SLC1A3: variants seen among roughly 807,000 people sequenced by gnomAD.
SLC1A3 encodes solute carrier family 1 member 3.
In SLC1A3, 21 loss-of-function variants were observed where a neutral mutation model predicts 48.1. That is an observed-to-expected ratio of 0.44 (90% CI 0.31 to 0.63). The LOEUF (loss-of-function observed/expected upper bound fraction) is 0.63. SLC1A3 is among the 20% of genes least tolerant of loss of function. SLC1A3 has a pLI of 0.08. For synonymous variants in SLC1A3, 239 were observed against 251.4 expected, an observed-to-expected ratio of 0.95 and a Z score of 0.47; for missense variants, 546 against 689.0, an observed-to-expected ratio of 0.79 and a Z score of 2.32.
intron 3 of SLC1A3, among the ~76,000 whole-genome samples, chr5:36,643,079 T>A (rs543747468): frequency 2.5e-4 from 38 of 152,338 alleles, no homozygotes; most frequent in Non-Finnish European, 2.6e-4. Flanking sequence ...TTTGGGTTTT[T>A]CCTATTTTTT....
chr5:36,612,383 C>T (rs929152961), intron 2 of SLC1A3, among the ~76,000 whole-genome samples: 2 of 152,052 alleles, frequency 1.3e-5, no homozygotes, highest in Admixed American at 1.3e-4. Flanking sequence ...AGTTCAAGAT[C>T]AATCTGGGTA....
chr5:36,676,976 T>A lies in SLC1A3; in HGVS notation c.652T>A (p.Ser218Thr). ...TLVGAVINNV[S>T]EAMETLTRIT... Reference sequence around the variant, plus strand: ...TGTGGGTGCTGTGATAAACAATGTGTCTGAGGCCATGGAGACTCTTACCCG... The same window carrying A: ...TGTGGGTGCTGTGATAAACAATGTGACTGAGGCCATGGAGACTCTTACCCG... Residue 218 changes from serine (S) to threonine (T), a missense_variant, in exon 6 of 10, where the codon TCT (serine) becomes ACT (threonine). Ser to Thr is a moderately conservative substitution (Grantham distance 58). Coordinates refer to ENST00000265113, the MANE Select transcript of SLC1A3 (RefSeq NM_004172.5). The A allele has an allele frequency of 6.2e-7, 1 of 1,614,062 alleles. No individual in the cohort carries two copies. Among genetic ancestry groups the A allele is most frequent in the East Asian group, 2.2e-5 (1 of 44,884 alleles).
chr5:36,610,510 G>A (rs1359128152), intron 2 of SLC1A3, among the ~76,000 whole-genome samples: 1 of 152,168 alleles, frequency 6.6e-6, no homozygotes, highest in Non-Finnish European at 1.5e-5. Context: ...AACACCAGAA[G>A]AGTGGAATTT....
chr5:36,615,688 A>G (rs1739401812), intron 2 of SLC1A3, among the ~76,000 whole-genome samples: 1 of 152,260 alleles, frequency 6.6e-6, no homozygotes, highest in Non-Finnish European at 1.5e-5. Context: ...AAGATTGTGA[A>G]GAGCCTAACC....
Position 36,680,382 on chromosome 5 carries a change from T to G in SLC1A3, c.1095-13T>G. 6.2e-7 allele frequency: 1 copy of G among 1,612,906 alleles called. No homozygotes were observed. The highest frequency in any genetic ancestry group is 1.7e-4 in the Middle Eastern group (1 of 5,996). On this transcript the variant is annotated splice_polypyrimidine_tract_variant and intron_variant, in intron 7 of 9. Transcript: ENST00000265113. Reference sequence around the variant, plus strand: ...GGACACTCAGCTGATGTGCCCTATTTCACTGTTCTCAGTTCTGCCACCCTA... The same window carrying G: ...GGACACTCAGCTGATGTGCCCTATTGCACTGTTCTCAGTTCTGCCACCCTA...
At position 36,679,805 on chromosome 5, in the gene SLC1A3, G is replaced by C; in HGVS notation, c.1039G>C (p.Val347Leu). ...YFLVTRKNPW[V>L]FIGGLLQALI... ...CTTGGTAACACGGAAAAACCCTTGGGTTTTTATTGGAGGGTTGCTGCAAGC... is the reference window on the plus strand; with the variant it reads ...CTTGGTAACACGGAAAAACCCTTGGCTTTTTATTGGAGGGTTGCTGCAAGC... The change falls in exon 7 of 10, where the codon GTT (valine) becomes CTT (leucine). Residue 347 changes from valine (V) to leucine (L), a missense_variant. Physicochemically the swap from Val to Leu is conservative, Grantham distance 32. Transcript: ENST00000265113. 1.2e-6 allele frequency: 2 copies of C among 1,614,152 alleles called. No homozygotes were observed. The highest frequency in any genetic ancestry group is 1.7e-6 in the Non-Finnish European group (2 of 1,180,024).
intron 2 of SLC1A3, among the ~76,000 whole-genome samples, chr5:36,625,101 C>A (rs1297400653): frequency 6.6e-6 from 1 of 152,212 alleles, no homozygotes; most frequent in African/African-American, 2.4e-5. Context: ...CACTCAACCA[C>A]TTATGAGATC....
At chr5:36,650,127 G>A (rs1741001829) in intron 3 of SLC1A3, among the ~76,000 whole-genome samples, 1 of 152,058 alleles carries the variant, frequency 6.6e-6, no homozygotes, top group Non-Finnish European at 1.5e-5. Context: ...AGAGGCGGGT[G>A]GGGAAACTAG....
intron 3 of SLC1A3, among the ~76,000 whole-genome samples, chr5:36,665,835 G>A (rs1211337026): frequency 6.6e-6 from 1 of 152,112 alleles, no homozygotes; most frequent in Non-Finnish European, 1.5e-5. Flanking sequence ...ACATTCCGAG[G>A]CTATCACTGG....
At chr5:36,622,605 A>G (rs1019349141) in intron 2 of SLC1A3, among the ~76,000 whole-genome samples, 51 of 152,258 alleles carry the variant, frequency 3.3e-4, no homozygotes, top group African/African-American at 1.2e-3. Context: ...CTTGTAACTT[A>G]TTGTGTGTGT....
rs764729810 is a variant in SLC1A3, at chr5:36,671,252, G to C, written c.524+19G>C. 1.9e-6 allele frequency: 3 copies of C among 1,581,886 alleles called. No individual in the cohort carries two copies. The highest frequency in any genetic ancestry group is 2.2e-5 in the South Asian group (2 of 89,712). On this transcript the variant is annotated intron_variant, in intron 4 of 9. Transcript: ENST00000265113. ...TGATCAGGTATGTCCTTGCAAGCCC[G>C]TCCTTTGGGGTGTATTTTCGCCATC...
intron 2 of SLC1A3, among the ~76,000 whole-genome samples, chr5:36,622,921 A>C (rs1739738801): frequency 6.7e-6 from 1 of 150,346 alleles, no homozygotes; most frequent in East Asian, 2.0e-4. Flanking sequence ...CTGAGGCAGG[A>C]GAATGGCTTG....
intron 3 of SLC1A3, among the ~76,000 whole-genome samples, chr5:36,665,127 C>G (rs1477926755): frequency 1.3e-5 from 2 of 151,062 alleles, no homozygotes; most frequent in African/African-American, 4.9e-5. Context: ...GGGGGAAGAT[C>G]AACCAAAATT....
intron 1 of SLC1A3, among the ~76,000 whole-genome samples, chr5:36,599,232 T>G (rs1388926434): frequency 6.6e-6 from 1 of 152,240 alleles, no homozygotes; most frequent in East Asian, 1.9e-4. Flanking sequence ...ATGTAGTTGG[T>G]ACTACAAGAC....
chr5:36,639,928 G>T (rs977730344), intron 3 of SLC1A3, among the ~76,000 whole-genome samples: 1 of 152,106 alleles, frequency 6.6e-6, no homozygotes, highest in East Asian at 1.9e-4. Context: ...GAAATGACTG[G>T]GAACCCGCAT....
Position 36,686,191 on chromosome 5 carries a change from T to A in SLC1A3, c.1551T>A (p.Asn517Lys). 1.2e-6 allele frequency: 2 copies of A among 1,614,114 alleles called. No individual in the cohort carries two copies. The highest frequency in any genetic ancestry group is 1.7e-6 in the Non-Finnish European group (2 of 1,179,980). Residue 517 changes from asparagine (N) to lysine (K), a missense_variant, in exon 10 of 10, where the codon AAT becomes AAA. Asn to Lys is a moderately conservative substitution (Grantham distance 94). This residue lies in a region of SLC1A3 where 56 missense variants were observed against 59.0 expected (regional missense o/e 0.95). Coordinates refer to ENST00000265113, the MANE Select transcript of SLC1A3 (RefSeq NM_004172.5). ...TGGGTAACTCAGTGATTGAAGAGAATGAAATGAAGAAACCATATCAACTGA... is the reference window on the plus strand; with the variant it reads ...TGGGTAACTCAGTGATTGAAGAGAAAGAAATGAAGAAACCATATCAACTGA... The part of the protein sequence containing the change: ...VEMGNSVIEE[N>K]EMKKPYQLIA...
At chr5:36,641,008 T>TAC (rs1740597955) in intron 3 of SLC1A3, among the ~76,000 whole-genome samples, 2 of 151,586 alleles carry the variant, frequency 1.3e-5, no homozygotes, top group African/African-American at 4.8e-5. Context: ...CACACACACA[T>TAC]ACACACACAC....
At chr5:36,627,285 T>C (rs1217851187) in intron 2 of SLC1A3, among the ~76,000 whole-genome samples, 3 of 152,122 alleles carry the variant, frequency 2.0e-5, no homozygotes, top group Non-Finnish European at 1.5e-5. Context: ...AAACAAAGTA[T>C]ATAATATTTA....
chr5:36,664,683 C>G (rs138571343), intron 3 of SLC1A3, among the ~76,000 whole-genome samples: 220 of 152,272 alleles, frequency 1.4e-3, no homozygotes, highest in African/African-American at 5.2e-3. Flanking sequence ...TTATGACCTA[C>G]TAAATTGACT....
Sources: allele counts gnomAD v4.1 joint callset (sites outside exome capture counted in the v4.1 genomes callset), GRCh38; gene constraint gnomAD v4.1.1; regional missense constraint gnomAD v4.1.1; transcripts MANE v1.5; gene names NCBI Gene and HGNC (gene_info 2026-07-23, HGNC 2026-07-21).